The following NKAIN4 variants were observed in gnomAD, a reference collection of about 807,000 sequenced individuals.
The protein encoded by NKAIN4 is sodium/potassium-transporting ATPase subunit beta-1-interacting protein 4.
A neutral mutation model predicts 28.8 loss-of-function variants in NKAIN4; 28 were observed. The ratio of observed to expected loss-of-function variants is 0.97; its 90% CI spans 0.72 to 1.33. The LOEUF is 1.33. Among genes scored for constraint, NKAIN4 ranks in the 40% most tolerant of loss-of-function variants. The pLI is 0.00. For synonymous variants in NKAIN4, 122 were observed against 115.6 expected (o/e 1.06, Z -0.36); for missense variants, 289 against 277.2 (o/e 1.04, Z -0.30).
At chr20:63,247,430 C>T (rs1259192058) in intron 4 of NKAIN4, 148 bp downstream of exon 4, 3 of 1,541,242 alleles carry the variant, frequency 1.9e-6, no homozygotes, top group African/African-American at 1.4e-5. Context: ...GATACCTTAA[C>T]CTCTCCAGCA....
At position 63,242,547 on chromosome 20, in the gene NKAIN4, C is replaced by T; in HGVS notation, c.609G>A (p.Gln203=). 2 of 1,611,848 alleles carry T rather than the reference C, an allele frequency of 1.2e-6. No individual in the cohort carries two copies. Among genetic ancestry groups the T allele is most frequent in the Non-Finnish European group, 1.7e-6 (2 of 1,178,136 alleles). ...NEKPSSLLSK[Q]VYLPA is the part of the protein sequence containing the mutation. ...CTGCCAGCCATACTTACAAGTACAC[C>T]TGCTTGGACAAGAGACTGGATGGCT... The change falls in exon 6 of 7, where the codon CAG becomes CAA. Residue 203 remains glutamine, a synonymous_variant. Coordinates refer to ENST00000370316, the MANE Select transcript of NKAIN4 (RefSeq NM_152864.4).
In NKAIN4 at chr20:63,241,461, TG is replaced by T. The variant is rs1200910008; in HGVS notation, c.*35del. 1 of 1,550,014 alleles carries T rather than the reference TG, an allele frequency of 6.5e-7. No homozygotes were observed. The highest frequency in any genetic ancestry group is 1.4e-5 in the African/African-American group (1 of 72,928). ...ATTGTCACTGGTCGGTCGCTGAGGCTGGAGGCCACAGGAGCAGGATCAGCTG... is the reference window on the plus strand; with the variant it reads ...ATTGTCACTGGTCGGTCGCTGAGGCTGAGGCCACAGGAGCAGGATCAGCTG... On this transcript the variant is annotated 3_prime_UTR_variant, in exon 7 of 7. Transcript: ENST00000370316.
rs920244737 is a variant in NKAIN4 at position 63,249,346 on chromosome 20, A to G, written c.193-451T>C. ...CGGACACAGCCACACCCATTTGTGC[A>G]CACACAGCCCAGCTGCTTTTGCGTT... On this transcript the variant is annotated intron_variant, in intron 2 of 6. Transcript: ENST00000370316. The G allele has an allele frequency of 3.2e-5, 7 of 220,042 alleles. No individual in the cohort carries two copies. The Admixed American group carries it at 3.6e-4, about 11-fold the overall frequency. 13.6% of individuals were successfully genotyped at this position (220,042 alleles called of 1,614,324 possible). A position where few individuals can be genotyped will look rare whatever the true frequency, so the allele number is the denominator to read the frequency against.
chr20:63,249,150 A>G (rs770875002), intron 2 of NKAIN4: 41 of 504,638 alleles, frequency 8.1e-5, no homozygotes, highest in Middle Eastern at 1.1e-3. Flanking sequence ...GCCCCAGCGC[A>G]GGTCGGCGTA....
chr20:63,252,096 G>A lies in NKAIN4; in HGVS notation c.55-2024C>T, dbSNP rs1002390826. Among the ~76,000 whole-genome samples, 2 of 152,230 alleles carry A rather than the reference G, an allele frequency of 1.3e-5. No homozygotes were observed. Among genetic ancestry groups the A allele is most frequent in the Non-Finnish European group, 2.9e-5 (2 of 68,032 alleles). On this transcript the variant is annotated intron_variant, in intron 1 of 6. Transcript: ENST00000370316. This position sits in a 1 kb window ranked among gnomAD's most constrained non-coding sequence, Gnocchi z 4.6. ...GTCTCGGCCTGAGGAGCAGCCTCAG[G>A]TCTGGCTCCAGAATGGAGACCCTGC...
At chr20:63,251,490 C>T (rs1417922489) in intron 1 of NKAIN4, among the ~76,000 whole-genome samples, 1 of 152,158 alleles carries the variant, frequency 6.6e-6, no homozygotes, top group African/African-American at 2.4e-5. Flanking sequence ...CTGAGGCTAC[C>T]GCTAGACCAC....
chr20:63,247,610 C>T lies in NKAIN4; in HGVS notation c.439G>A (p.Ala147Thr), dbSNP rs1256223155. The stretch of plus-strand genomic sequence containing the variant: ...AGGATCTGCAGGCAACTGTGTAGGG[C>T]CTCCACATAGCTGGGCTCCAGGGCA... Reference protein sequence around the residue: ...GCALEPSYVEALHSCLQILIA... With the variant: ...GCALEPSYVETLHSCLQILIA... Residue 147 changes from alanine (A) to threonine (T), a missense_variant, in exon 4 of 7, where the codon GCC becomes ACC. Physicochemically the swap from Ala to Thr is moderately conservative, Grantham distance 58. Transcript: ENST00000370316. 1.9e-6 allele frequency: 3 copies of T among 1,548,036 alleles called. No individual in the cohort carries two copies. Among genetic ancestry groups the T allele is most frequent in the East Asian group, 2.4e-5 (1 of 40,870 alleles).
intron 1 of NKAIN4, chr20:63,253,373 T>C: frequency 1.0e-6 from 1 of 985,356 alleles, no homozygotes; most frequent in Non-Finnish European, 1.2e-6. Context: ...CCGCCGTCCC[T>C]AGGTCCGCCC....
intron 4 of NKAIN4, among the ~76,000 whole-genome samples, chr20:63,246,130 G>A (rs898492713): frequency 2.6e-5 from 4 of 152,136 alleles, no homozygotes; most frequent in Admixed American, 6.6e-5. Flanking sequence ...GGGTTTCACC[G>A]TGTTAGCCAG....
chr20:63,253,303 G>A, intron 1 of NKAIN4: 1 of 985,342 alleles, frequency 1.0e-6, no homozygotes, highest in Non-Finnish European at 1.2e-6. Flanking sequence ...CGCGGCCCCA[G>A]CGAGCCTCCC....
chr20:63,244,204 A>G, intron 4 of NKAIN4, 120 bp from the exon 5 acceptor site: 2 of 806,310 alleles, frequency 2.5e-6, no homozygotes, highest in South Asian at 1.6e-5. Flanking sequence ...CCTCTCCTGG[A>G]CCTCAGGTTC....
intron 4 of NKAIN4, among the ~76,000 whole-genome samples, chr20:63,246,343 G>A (rs954699055): frequency 1.3e-5 from 2 of 152,178 alleles, no homozygotes; most frequent in African/African-American, 4.8e-5. Context: ...ACACATTTTG[G>A]GGGCAATTGG....
chr20:63,244,769 G>T (rs1057460673), intron 4 of NKAIN4, among the ~76,000 whole-genome samples: 1 of 152,110 alleles, frequency 6.6e-6, no homozygotes, highest in Non-Finnish European at 1.5e-5. Flanking sequence ...CTCTGGCAAA[G>T]GGGGGGCAGT....
At chr20:63,253,100 T>G in intron 1 of NKAIN4, 62 of 570,682 alleles carry the variant, frequency 1.1e-4, no homozygotes, top group Non-Finnish European at 1.3e-4. Context: ...CTGTCCTTCA[T>G]GAGGTCATCC....
intron 3 of NKAIN4, 92 bp from the exon 4 acceptor site, chr20:63,247,867 CAA>C: frequency 7.2e-7 from 1 of 1,391,798 alleles, no homozygotes. Flanking sequence ...CACACCGAGG[CAA>C]GGGGAGGTCC....
At chr20:63,253,259 G>GC in intron 1 of NKAIN4, 1 of 985,332 alleles carries the variant, frequency 1.0e-6, no homozygotes, top group Non-Finnish European at 1.2e-6. Flanking sequence ...TGGTCCTTGG[G>GC]CCCCCAGCCT....
At chr20:63,242,677 C>CA (rs1341355172) in intron 5 of NKAIN4, 54 bp from the exon 6 acceptor site, 13 of 1,439,738 alleles carry the variant, frequency 9.0e-6, no homozygotes, top group Middle Eastern at 1.7e-4. Context: ...GAAAAGATGT[C>CA]AGAGTGGAAA....
chr20:63,241,544 G>A, intron 6 of NKAIN4, 38 bp from the exon 7 acceptor site: 4 of 1,546,878 alleles, frequency 2.6e-6, no homozygotes, highest in South Asian at 1.2e-5. Flanking sequence ...GGGGGAACAG[G>A]GCTGGGGCAG....
At chr20:63,254,696 A>T (rs2067021160), upstream of NKAIN4, 11 of 278,842 alleles carry the variant, frequency 3.9e-5, no homozygotes, top group East Asian at 5.6e-5. Flanking sequence ...TAAAGGGGCG[A>T]TGGCGCGGCC....
Sources: allele counts gnomAD v4.1 joint callset (sites outside exome capture counted in the v4.1 genomes callset), GRCh38; gene constraint gnomAD v4.1.1; non-coding constraint Gnocchi (gnomAD v3.1); transcripts MANE v1.5; gene names NCBI Gene and HGNC (gene_info 2026-07-23, HGNC 2026-07-21).